The following MEA1 variants were observed in gnomAD, a reference collection of about 807,000 sequenced individuals.
The protein encoded by MEA1 is male-enhanced antigen 1, also known as Male-enhanced antigen (H-Y structural gene).
Under a neutral mutation model 21.4 loss-of-function variants are expected in MEA1, and 22 were observed. The ratio of observed to expected loss-of-function variants is 1.03; its 90% CI spans 0.73 to 1.47. The LOEUF is 1.47. Ranked by LOEUF, MEA1 falls within the 40% of genes most tolerant of loss-of-function variation. The probability of loss-of-function intolerance (pLI) is 0.00; values close to 1 mark genes in which losing one functional copy is unlikely to be tolerated. For missense variants in MEA1, 233 were observed against 230.5 expected, an observed-to-expected ratio of 1.01 and a Z score of -0.07; for synonymous variants, 91 against 85.5, an observed-to-expected ratio of 1.06 and a Z score of -0.35.
upstream of MEA1, chr6:43,014,131 C>T (rs918401513): frequency 3.5e-6 from 5 of 1,416,806 alleles, no homozygotes; most frequent in African/African-American, 5.7e-5. Flanking sequence ...CTGCCCACTC[C>T]TCAGCCCTCT....
chr6:43,012,885 T>G, intron 3 of MEA1, 41 bp downstream of exon 3: 1 of 1,564,726 alleles, frequency 6.4e-7, no homozygotes, highest in South Asian at 1.1e-5. Flanking sequence ...GCCAGTTCAT[T>G]TCCTTAGTAA....
At chr6:43,016,022 G>A (rs534388252), upstream of MEA1, among the ~76,000 whole-genome samples, 2 of 148,326 alleles carry the variant, frequency 1.3e-5, no homozygotes, top group African/African-American at 5.0e-5. Flanking sequence ...TCCAACCTCC[G>A]CCACCCGAGT....
chr6:43,013,361 T>TAGAACTACTGTTGCC lies in MEA1; in HGVS notation c.42_56dup (p.Ala15_Leu19dup). 6.2e-7 allele frequency: 1 copy of TAGAACTACTGTTGCC among 1,613,886 alleles called. No homozygotes were observed. Among genetic ancestry groups the TAGAACTACTGTTGCC allele is most frequent in the South Asian group, 1.1e-5 (1 of 91,086 alleles). The stretch of plus-strand genomic sequence containing the variant: ...GCTCAGGGCCCATGGTGTCTCCTCC[T>TAGAACTACTGTTGCC]AGAACTACTGTTGCCATCCGGGCAG... On this transcript the variant is annotated inframe_insertion, in exon 2 of 4. Transcript: ENST00000244711.
rs748219258 is a variant in MEA1 at position 43,011,195 on chromosome 6, C to T, written c.*1275G>A. On this transcript the variant is annotated 3_prime_UTR_variant, in exon 4 of 4. Transcript: ENST00000244711. ...GAGAAAGTGCTGCTGCGGAGGAAGTCGGAGCTGCCCCAGGACGTGTACACC... is the reference window on the plus strand; with the variant it reads ...GAGAAAGTGCTGCTGCGGAGGAAGTTGGAGCTGCCCCAGGACGTGTACACC... 1.9e-6 allele frequency: 3 copies of T among 1,614,088 alleles called. No individual in the cohort carries two copies. Among genetic ancestry groups the T allele is most frequent in the Admixed American group, 1.7e-5 (1 of 60,006 alleles).
At chr6:43,013,049 G>A in intron 2 of MEA1, 21 bp from the exon 3 acceptor site, 6 of 1,613,760 alleles carry the variant, frequency 3.7e-6, no homozygotes, top group Non-Finnish European at 5.1e-6. Flanking sequence ...ACAGAAGACC[G>A]TTTGGGTCTA....
rs577516819 is a variant in MEA1, at chr6:43,012,848, C to T, written c.406+78G>A. ...ACTATCTTTTTAGGATAGGGTCTTC[C>T]TCTGAAACTTCCTTCTACTGACTCA... is the stretch of plus-strand genomic sequence containing the variant. On this transcript the variant is annotated intron_variant, in intron 3 of 3. Transcript: ENST00000244711. 18 of 1,402,468 alleles carry T rather than the reference C, an allele frequency of 1.3e-5. No homozygotes were observed. In the African/African-American group the frequency reaches 2.1e-4, roughly 17 times the overall value. 86.9% of individuals were successfully genotyped at this position (1,402,468 alleles called of 1,614,324 possible).
intron 1 of MEA1, 168 bp from the exon 2 acceptor site, chr6:43,013,557 C>G: frequency 2.3e-6 from 2 of 865,234 alleles, no homozygotes; most frequent in South Asian, 3.6e-5. Flanking sequence ...CCTCCCCCTC[C>G]TAAGTCGGGG....
rs367986906 is a variant in MEA1, at chr6:43,013,135, C to G, written c.283G>C (p.Asp95His). ...APVGDGDVVA[D>H]IQDRIQALGL... ...CCTACCTGGATTCGATCCTGGATGT[C>G]AGCAACTACATCTCCATCCCCCACT... The change falls in exon 2 of 4, where the codon GAC (aspartate) becomes CAC (histidine). Residue 95 changes from aspartate (D) to histidine (H), a missense_variant. Asp to His is a moderately conservative substitution (Grantham distance 81). Transcript: ENST00000244711. 4.3e-6 allele frequency: 7 copies of G among 1,613,956 alleles called. No homozygotes were observed. In the South Asian group the frequency reaches 7.7e-5, roughly 18 times the overall value.
chr6:43,015,538 T>G (rs567014022), upstream of MEA1, among the ~76,000 whole-genome samples: 3 of 152,122 alleles, frequency 2.0e-5, no homozygotes, highest in East Asian at 5.8e-4. Flanking sequence ...TGCCACTAGG[T>G]TGACAGGTTG....
At position 43,011,518 on chromosome 6, in the gene MEA1, T is replaced by C. The variant is rs1482710236; in HGVS notation, c.*952A>G. 5.2e-6 allele frequency: 3 copies of C among 581,444 alleles called. No individual in the cohort carries two copies. Among genetic ancestry groups the C allele is most frequent in the Admixed American group, 3.2e-5 (1 of 31,648 alleles). 36.0% of individuals were successfully genotyped at this position (581,444 alleles called of 1,614,324 possible). A position where few individuals can be genotyped will look rare whatever the true frequency, so the allele number is the denominator to read the frequency against. On this transcript the variant is annotated 3_prime_UTR_variant, in exon 4 of 4. Transcript: ENST00000244711. The stretch of plus-strand genomic sequence containing the variant: ...AGTACAGGCTGAGCACTAAGATGCT[T>C]AGTGCTCAGACAACCTGGGGATGCC...
chr6:43,013,989 T>C (rs1343898193), upstream of MEA1: 3 of 1,429,312 alleles, frequency 2.1e-6, no homozygotes, highest in Non-Finnish European at 2.7e-6. Flanking sequence ...TGATTGACGC[T>C]GGCGAGGACG....
chr6:43,015,532 A>G (rs1329282146), upstream of MEA1, among the ~76,000 whole-genome samples: 3 of 152,136 alleles, frequency 2.0e-5, no homozygotes, highest in Non-Finnish European at 4.4e-5. Context: ...TGTACGTGCC[A>G]CTAGGTTGAC....
In MEA1 at chr6:43,012,541, A is replaced by C. The variant is rs1762404372; in HGVS notation, c.487T>G (p.Ser163Ala). 1.2e-6 allele frequency: 2 copies of C among 1,612,244 alleles called. No homozygotes were observed. Among genetic ancestry groups the C allele is most frequent in the South Asian group, 1.1e-5 (1 of 90,914 alleles). ...PGVPAWAREI[S>A]DAQWEDVVQK... The stretch of plus-strand genomic sequence containing the variant: ...ACCACATCTTCCCACTGGGCATCCG[A>C]TATCTCCCGAGCCCAGGCAGGAACC... Residue 163 changes from serine (S) to alanine (A), a missense_variant, in exon 4 of 4, where the codon TCG (serine) becomes GCG (alanine). Ser to Ala is a moderately conservative substitution (Grantham distance 99, BLOSUM62 1). Transcript: ENST00000244711.
intron 3 of MEA1, 95 bp from the exon 4 acceptor site, chr6:43,012,716 G>A (rs1275486001): frequency 7.0e-7 from 1 of 1,433,904 alleles, no homozygotes; most frequent in Non-Finnish European, 9.4e-7. Flanking sequence ...TGGGCTGCTA[G>A]GGTCACCAAA....
rs769633836 is a variant in MEA1 at position 43,012,908 on chromosome 6, G to C, written c.406+18C>G. 1.9e-6 allele frequency: 3 copies of C among 1,602,654 alleles called. No homozygotes were observed. The highest frequency in any genetic ancestry group is 2.2e-5 in the South Asian group (2 of 90,884). ...ATTTCCTTAGTAATTATTCCAGAAT[G>C]AAAGAATGATCTTTTACCTGGGTCC... On this transcript the variant is annotated intron_variant, in intron 3 of 3. Transcript: ENST00000244711.
At position 43,011,303 on chromosome 6, in the gene MEA1, C is replaced by CAT. The variant is rs1207757047; in HGVS notation, c.*1166_*1167insAT. On this transcript the variant is annotated 3_prime_UTR_variant, in exon 4 of 4. Transcript: ENST00000244711. The stretch of plus-strand genomic sequence containing the variant: ...GCTCTCTGACCCCTCACGTTCCTAC[C>CAT]ACAGGGCCACAGCCCACACAGCCCT... The CAT allele has an allele frequency of 6.2e-7, 1 of 1,613,194 alleles. No homozygotes were observed. Among genetic ancestry groups the CAT allele is most frequent in the Non-Finnish European group, 8.5e-7 (1 of 1,179,868 alleles).
At position 43,013,212 on chromosome 6, in the gene MEA1, G is replaced by A. The variant is rs1762436515; in HGVS notation, c.206C>T (p.Ser69Phe). 1.2e-6 allele frequency: 2 copies of A among 1,614,128 alleles called. No homozygotes were observed. Among genetic ancestry groups the A allele is most frequent in the Non-Finnish European group, 1.7e-6 (2 of 1,180,016 alleles). Residue 69 changes from serine (S) to phenylalanine (F), a missense_variant, in exon 2 of 4, where the codon TCC becomes TTC. Physicochemically the swap from Ser to Phe is radical, Grantham distance 155. Coordinates refer to ENST00000244711, the MANE Select transcript of MEA1 (RefSeq NM_014623.4). ...EETGSGPAGY[S>F]YQPLNQDPEQ... ...AGGATCTTGGTTCAGGGGCTGGTAG[G>A]AGTAGCCAGCTGGGCCCGACCCCGT...
At position 43,012,771 on chromosome 6, in the gene MEA1, G is replaced by A. The variant is rs1380136811; in HGVS notation, c.407-150C>T. On this transcript the variant is annotated intron_variant, in intron 3 of 3. Coordinates refer to ENST00000244711, the MANE Select transcript of MEA1 (RefSeq NM_014623.4). Reference sequence around the variant, plus strand: ...GCAAGCCTGCCCATCCCCAAAGCTAGCAAAAGAGCATTTCACTTGGACTCT... The same window carrying A: ...GCAAGCCTGCCCATCCCCAAAGCTAACAAAAGAGCATTTCACTTGGACTCT... 8.0e-5 allele frequency: 97 copies of A among 1,218,600 alleles called. 2 individuals are homozygous for A. Among genetic ancestry groups the A allele is most frequent in the Non-Finnish European group, 1.4e-5 (12 of 865,384 alleles). 75.5% of individuals were successfully genotyped at this position (1,218,600 alleles called of 1,614,324 possible). A position where few individuals can be genotyped will look rare whatever the true frequency, so the allele number is the denominator to read the frequency against.
intron 1 of MEA1, 98 bp from the exon 2 acceptor site, chr6:43,013,487 C>T: frequency 7.4e-7 from 1 of 1,355,990 alleles, no homozygotes. Context: ...TGCAAAAAAC[C>T]AGCTCCTCCC....
Sources: gnomAD v4.1 joint callset for allele counts (sites outside exome capture counted in the v4.1 genomes callset) on GRCh38, gnomAD v4.1.1 for gene constraint, MANE v1.5 for transcripts, NCBI Gene and HGNC (gene_info 2026-07-23, HGNC 2026-07-21) for gene names.